The following DUSP14 variants were observed in gnomAD, a reference collection of about 807,000 sequenced individuals.
DUSP14 encodes dual specificity protein phosphatase 14.
A neutral mutation model predicts 13.2 loss-of-function variants in DUSP14; 5 were observed. The observed-to-expected ratio is 0.38, with a 90% CI of 0.20 to 0.80. The LOEUF (loss-of-function observed/expected upper bound fraction) is 0.80, where lower values mean the gene tolerates loss of function less well. Ranked by LOEUF, DUSP14 falls within the 30% of genes least tolerant of loss-of-function variation. The pLI is 0.44. For missense variants in DUSP14, 185 were observed against 264.0 expected, an observed-to-expected ratio of 0.70 and a Z score of 2.07; for synonymous variants, 91 against 103.4, an observed-to-expected ratio of 0.88 and a Z score of 0.73.
chr17:37,507,500 TG>T (rs1178200444), intron 1 of DUSP14, among the ~76,000 whole-genome samples: 1 of 152,214 alleles, frequency 6.6e-6, no homozygotes, highest in African/African-American at 2.4e-5. Flanking sequence ...CCACCCAGGC[TG>T]GAGTGCAATG....
chr17:37,512,988 C>T lies in DUSP14; in HGVS notation c.*119C>T. ...CTGGTTCTCCCTCAAGTGTTTTTTACACTGGGTGTTCAAATTTATTTTAAG... is the reference window on the plus strand; with the variant it reads ...CTGGTTCTCCCTCAAGTGTTTTTTATACTGGGTGTTCAAATTTATTTTAAG... On this transcript the variant is annotated 3_prime_UTR_variant, in exon 3 of 3. Transcript: ENST00000617516. This position sits in a 1 kb window ranked among gnomAD's most constrained non-coding sequence, Gnocchi z 4.8. The T allele has an allele frequency of 1.2e-6, 1 of 828,444 alleles. No homozygotes were observed. The highest frequency in any genetic ancestry group is 1.9e-6 in the Non-Finnish European group (1 of 515,386). The allele number at this position is 828,444 out of a possible 1,614,324, so 51.3% of individuals were successfully genotyped here. A position where few individuals can be genotyped will look rare whatever the true frequency, so the allele number is the denominator to read the frequency against.
intron 2 of DUSP14, among the ~76,000 whole-genome samples, chr17:37,511,002 A>G (rs956582383): frequency 1.4e-5 from 2 of 146,382 alleles, no homozygotes; most frequent in Non-Finnish European, 3.0e-5. Flanking sequence ...TATATAATAT[A>G]TATCAATATA....
intron 1 of DUSP14, among the ~76,000 whole-genome samples, chr17:37,494,983 A>T (rs561334060): frequency 8.5e-5 from 13 of 152,354 alleles, no homozygotes; most frequent in Admixed American, 7.8e-4. Context: ...CTCTAAAATA[A>T]TGATAATTTT....
chr17:37,497,153 AT>A lies in DUSP14; in HGVS notation c.-181+7207del, dbSNP rs201019416. On this transcript the variant is annotated intron_variant, in intron 1 of 2. Coordinates refer to ENST00000617516, the MANE Select transcript of DUSP14 (RefSeq NM_007026.4). The stretch of plus-strand genomic sequence containing the variant: ...AAATATCAATTTTACTTCAAACTGC[AT>A]TTTTTTTTTTTAAAGACAGAGTCTC... Among the ~76,000 whole-genome samples the A allele has an allele frequency of 8.7e-3, 1,228 of 140,864 alleles. 17 individuals carry two copies. The highest frequency in any genetic ancestry group is 0.028 in the African/African-American group (1,085 of 38,646). The allele number at this position is 140,864 out of a possible 152,430, so 92.4% of individuals were successfully genotyped here.
chr17:37,506,977 G>A (rs566596363), intron 1 of DUSP14, among the ~76,000 whole-genome samples: 5 of 152,304 alleles, frequency 3.3e-5, no homozygotes, highest in East Asian at 1.9e-4. Flanking sequence ...GGTGTGGAGC[G>A]CCGCGAGGCA....
At chr17:37,497,826 A>G (rs1012084390) in intron 1 of DUSP14, among the ~76,000 whole-genome samples, 1 of 151,058 alleles carries the variant, frequency 6.6e-6, no homozygotes, top group Non-Finnish European at 1.5e-5. Flanking sequence ...GAGGCCAGCC[A>G]GAGTATCACT....
chr17:37,498,064 A>G (rs1051748324), intron 1 of DUSP14, among the ~76,000 whole-genome samples: 5 of 151,792 alleles, frequency 3.3e-5, no homozygotes, highest in African/African-American at 1.2e-4. Context: ...AAAAAAGGAC[A>G]GAAATCTTTA....
chr17:37,496,519 G>A (rs1220632081), intron 1 of DUSP14, among the ~76,000 whole-genome samples: 1 of 152,194 alleles, frequency 6.6e-6, no homozygotes, highest in East Asian at 1.9e-4. Flanking sequence ...ACTTTGGGAG[G>A]CTGAGGCGGG....
At chr17:37,503,913 G>T (rs2143093568) in intron 1 of DUSP14, among the ~76,000 whole-genome samples, 1 of 152,226 alleles carries the variant, frequency 6.6e-6, no homozygotes. Flanking sequence ...TGATGGGGCT[G>T]GGCGTGGTGG....
At chr17:37,509,291 A>G (rs1487893234) in intron 1 of DUSP14, among the ~76,000 whole-genome samples, 47 of 24,940 alleles carry the variant, frequency 1.9e-3, no homozygotes, top group African/African-American at 5.4e-3. Flanking sequence ...ATATATATAT[A>G]TATATAGTGT....
At chr17:37,509,281 ATATATATATATATATAGTGTGTGT>A (rs2054165783) in intron 1 of DUSP14, among the ~76,000 whole-genome samples, 2 of 33,418 alleles carry the variant, frequency 6.0e-5, no homozygotes, top group Admixed American at 6.5e-4. Flanking sequence ...ATATATATAT[ATATATATATATATATAGTGTGTGT>A]GTGTGTGTGT....
chr17:37,511,937 A>AGTTT (rs1329764853), intron 2 of DUSP14, among the ~76,000 whole-genome samples: 665 of 16,422 alleles, frequency 0.04, 93 homozygotes, highest in African/African-American at 0.12. Context: ...CCCCCACCCC[A>AGTTT]CTTTTTTTTT....
chr17:37,508,560 T>A (rs997634017), intron 1 of DUSP14, among the ~76,000 whole-genome samples: 1 of 151,906 alleles, frequency 6.6e-6, no homozygotes, highest in African/African-American at 2.4e-5. Flanking sequence ...GTGGCAAAAC[T>A]CCGTCTCTAC....
In DUSP14 at chr17:37,513,359, A is replaced by G. The variant is rs776485777; in HGVS notation, c.*490A>G. The G allele has an allele frequency of 5.9e-6, 1 of 170,874 alleles. No individual in the cohort carries two copies. Among genetic ancestry groups the G allele is most frequent in the Non-Finnish European group, 1.4e-5 (1 of 70,980 alleles). 10.6% of individuals were successfully genotyped at this position (170,874 alleles called of 1,614,324 possible). A position where few individuals can be genotyped will look rare whatever the true frequency, so the allele number is the denominator to read the frequency against. ...TTCCTTTCCCCTCCATTATTTAGTG[A>G]CTCTGTAAGTAAGTTAAATACACCC... On this transcript the variant is annotated 3_prime_UTR_variant, in exon 3 of 3. Coordinates refer to ENST00000617516, the MANE Select transcript of DUSP14 (RefSeq NM_007026.4).
intron 1 of DUSP14, among the ~76,000 whole-genome samples, chr17:37,500,844 T>TA (rs1821021352): frequency 6.6e-6 from 1 of 152,316 alleles, no homozygotes; most frequent in Admixed American, 6.5e-5. Flanking sequence ...TTAGGATTCT[T>TA]AGAGATTACT....
intron 1 of DUSP14, among the ~76,000 whole-genome samples, chr17:37,494,786 C>T (rs1252087932): frequency 6.6e-6 from 1 of 152,174 alleles, no homozygotes; most frequent in African/African-American, 2.4e-5. Flanking sequence ...CAAAATACCT[C>T]AGGGGAATCC....
chr17:37,495,710 A>G (rs1299577034), intron 1 of DUSP14, among the ~76,000 whole-genome samples: 1 of 151,104 alleles, frequency 6.6e-6, no homozygotes, highest in Admixed American at 6.6e-5. Flanking sequence ...ACCAGGCTGG[A>G]GTGCAGTGGC....
intron 1 of DUSP14, among the ~76,000 whole-genome samples, chr17:37,507,296 A>G (rs961545400): frequency 9.2e-5 from 14 of 152,146 alleles, no homozygotes; most frequent in African/African-American, 2.4e-4. Flanking sequence ...GGAGGGAGCA[A>G]TGTGTCTGTC....
rs371718318 is a variant in DUSP14, at chr17:37,512,380, G to C, written c.108G>C (p.Leu36=). The part of the protein sequence containing the change: ...GIAQITSSLF[L]GRGSVASNRH... ...CTCAAATCACCTCCTCTCTATTCCT[G>C]GGCAGAGGCAGTGTGGCCTCCAATC... The change falls in exon 3 of 3, where the codon CTG becomes CTC. Residue 36 remains leucine, a synonymous_variant. Transcript: ENST00000617516. This position sits in a 1 kb window ranked among gnomAD's most constrained non-coding sequence, Gnocchi z 4.8. 3.1e-6 allele frequency: 5 copies of C among 1,614,134 alleles called. No homozygotes were observed. Among genetic ancestry groups the C allele is most frequent in the Non-Finnish European group, 4.2e-6 (5 of 1,180,010 alleles).
Sources: allele counts gnomAD v4.1 joint callset (sites outside exome capture counted in the v4.1 genomes callset), GRCh38; gene constraint gnomAD v4.1.1; non-coding constraint Gnocchi (gnomAD v3.1); transcripts MANE v1.5; gene names NCBI Gene and HGNC (gene_info 2026-07-23, HGNC 2026-07-21).